RPS6KA2: variants seen among roughly 807,000 people sequenced by gnomAD.
RPS6KA2 encodes the protein ribosomal protein S6 kinase alpha-2.
A neutral mutation model predicts 91.8 loss-of-function variants in RPS6KA2; 42 were observed. The ratio of observed to expected loss-of-function variants is 0.46; its 90% CI spans 0.36 to 0.59. The LOEUF (loss-of-function observed/expected upper bound fraction) is 0.59. RPS6KA2 is among the 20% of genes least tolerant of loss of function. RPS6KA2 has a pLI of 0.00. For synonymous variants in RPS6KA2, 414 were observed against 393.6 expected, an observed-to-expected ratio of 1.05 and a Z score of -0.61; for missense variants, 798 against 978.5, an observed-to-expected ratio of 0.82 and a Z score of 2.46.
In RPS6KA2 at chr6:166,434,103, T is replaced by C. The variant is rs1389301224; in HGVS notation, c.1333-1613A>G. ...ACCAAACGCTTGGGTAGCATTTGAC[T>C]CACTGCTCATAATCTGTCCCCTGGT... On this transcript the variant is annotated intron_variant, in intron 14 of 20. Transcript: ENST00000265678. This position sits in a 1 kb window ranked among gnomAD's most constrained non-coding sequence, Gnocchi z 4.4. Among the ~76,000 whole-genome samples, 2 of 152,200 alleles carry C rather than the reference T, an allele frequency of 1.3e-5. No homozygotes were observed. The highest frequency in any genetic ancestry group is 2.1e-4 in the South Asian group (1 of 4,830).
At chr6:166,734,058 T>G (rs940020327) in intron 2 of RPS6KA2, among the ~76,000 whole-genome samples, 1 of 152,076 alleles carries the variant, frequency 6.6e-6, no homozygotes, top group Non-Finnish European at 1.5e-5. Flanking sequence ...GCTGATAGAT[T>G]GCTTCAATTT....
At chr6:166,607,593 TGGATGTAG>T (rs1391344159) in intron 1 of RPS6KA2, among the ~76,000 whole-genome samples, 1 of 151,900 alleles carries the variant, frequency 6.6e-6, no homozygotes, top group Non-Finnish European at 1.5e-5. Flanking sequence ...AGACAGAAAG[TGGATGTAG>T]GGCTGCAGGG....
At chr6:166,736,081 T>A (rs1790663324) in intron 2 of RPS6KA2, among the ~76,000 whole-genome samples, 1 of 152,246 alleles carries the variant, frequency 6.6e-6, no homozygotes, top group African/African-American at 2.4e-5. Flanking sequence ...TAGTTATTTA[T>A]CACCTAAGTA....
Position 166,445,092 on chromosome 6 carries a change from T to C in RPS6KA2, c.1332+3632A>G, listed in dbSNP as rs1583143061. Among the ~76,000 whole-genome samples the C allele has an allele frequency of 6.6e-6, 1 of 152,202 alleles. No individual in the cohort carries two copies. The highest frequency in any genetic ancestry group is 2.4e-5 in the African/African-American group (1 of 41,446). On this transcript the variant is annotated intron_variant, in intron 14 of 20. Transcript: ENST00000265678. This position sits in a 1 kb window ranked among gnomAD's most constrained non-coding sequence, Gnocchi z 4.5. ...AATAACTTAAAGCAAAATATAATGA[T>C]ATTCTAAGAATGTGAGAAGTACTAT...
At chr6:166,532,894 G>A (rs1034627590) in intron 2 of RPS6KA2, among the ~76,000 whole-genome samples, 2 of 152,042 alleles carry the variant, frequency 1.3e-5, no homozygotes. Flanking sequence ...CAAGCTTGTG[G>A]TGAAGCCCTG....
At chr6:166,714,002 G>A (rs899293204) in intron 2 of RPS6KA2, among the ~76,000 whole-genome samples, 1 of 152,132 alleles carries the variant, frequency 6.6e-6, no homozygotes, top group Non-Finnish European at 1.5e-5. Flanking sequence ...CCCTGATCCC[G>A]CCTTTCCCTA....
intron 2 of RPS6KA2, among the ~76,000 whole-genome samples, chr6:166,663,934 C>G (rs765066552): frequency 1.3e-5 from 2 of 152,262 alleles, no homozygotes; most frequent in Admixed American, 1.3e-4. Context: ...TGGGACTCCA[C>G]AAACCACTTA....
chr6:166,657,202 G>A (rs1458098233), intron 2 of RPS6KA2, among the ~76,000 whole-genome samples: 13 of 152,148 alleles, frequency 8.5e-5, no homozygotes, highest in Admixed American at 7.2e-4. Context: ...CTGGGCGGGC[G>A]AGGGCATTTC....
chr6:166,679,724 G>A (rs983005375), intron 2 of RPS6KA2, among the ~76,000 whole-genome samples: 5 of 152,234 alleles, frequency 3.3e-5, no homozygotes, highest in Admixed American at 2.0e-4. Context: ...GGCCGAGGCC[G>A]GAGCCGGCTC....
chr6:166,816,564 A>C (rs539243932), intron 2 of RPS6KA2, among the ~76,000 whole-genome samples: 222 of 151,980 alleles, frequency 1.5e-3, no homozygotes, highest in Non-Finnish European at 2.7e-3. Context: ...CAAAAAAAAA[A>C]AAAAAAGAAT....
At chr6:166,856,652 C>G (rs142636725) in intron 2 of RPS6KA2, among the ~76,000 whole-genome samples, 1 of 152,222 alleles carries the variant, frequency 6.6e-6, no homozygotes, top group Non-Finnish European at 1.5e-5. Context: ...AGTAAACACA[C>G]TGAAAGTTCC....
chr6:166,848,847 A>G (rs1318878708), intron 2 of RPS6KA2, among the ~76,000 whole-genome samples: 1 of 152,164 alleles, frequency 6.6e-6, no homozygotes, highest in Admixed American at 6.5e-5. Flanking sequence ...AGAAATCACC[A>G]CTAAAGAACT....
At chr6:166,619,614 C>A (rs3778371) in intron 1 of RPS6KA2, among the ~76,000 whole-genome samples, 1 of 152,174 alleles carries the variant, frequency 6.6e-6, no homozygotes. Flanking sequence ...GCAGAGCCCC[C>A]TGGGCTTCCT....
In RPS6KA2 at chr6:166,666,429, T is replaced by C. The variant is rs1201187136; in HGVS notation, c.124-127645A>G. 6.6e-6 allele frequency among the ~76,000 whole-genome samples: 1 copy of C among 152,234 alleles called. No homozygotes were observed. Among genetic ancestry groups the C allele is most frequent in the Non-Finnish European group, 1.5e-5 (1 of 68,042 alleles). On this transcript the variant is annotated intron_variant, in intron 2 of 21. Transcript: ENST00000503859. The surrounding 1 kb of genome is among the most constrained non-coding windows in gnomAD (Gnocchi z 4.0). ...GTACCATTTCAAATGCTGTTATGTG[T>C]TGTTTATAAAATATAAGGATAATTT...
chr6:166,451,043 G>C, intron 13 of RPS6KA2, 60 bp downstream of exon 13: 1 of 1,603,962 alleles, frequency 6.2e-7, no homozygotes, highest in South Asian at 1.1e-5. Flanking sequence ...GGGAACACCA[G>C]AGTCACCCAT....
In RPS6KA2 at chr6:166,569,231, G is replaced by A. The variant is rs73788049; in HGVS notation, c.100-30447C>T. 3.0e-3 allele frequency among the ~76,000 whole-genome samples: 461 copies of A among 152,302 alleles called. 3 individuals are homozygous for A. The highest frequency in any genetic ancestry group is 0.01 in the African/African-American group (425 of 41,578). ...GGGGCTGAGACCCCGCAGGGGCCTT[G>A]AGACTGGCCCTGGTTTGGCCCATTC... is the stretch of plus-strand genomic sequence containing the variant. On this transcript the variant is annotated intron_variant, in intron 1 of 20. Transcript: ENST00000265678.
chr6:166,491,447 TCTC>T (rs774945923), intron 8 of RPS6KA2, among the ~76,000 whole-genome samples: 5 of 152,114 alleles, frequency 3.3e-5, no homozygotes, highest in Non-Finnish European at 7.4e-5. Context: ...CCTGGAATGG[TCTC>T]ATCAGAGCAA....
At chr6:166,699,283 C>T (rs1789441604) in intron 2 of RPS6KA2, among the ~76,000 whole-genome samples, 1 of 152,014 alleles carries the variant, frequency 6.6e-6, no homozygotes, top group South Asian at 2.1e-4. Flanking sequence ...GAGAGGATCA[C>T]AAAGGAAGTG....
chr6:166,857,650 C>T (rs955209385), intron 2 of RPS6KA2, among the ~76,000 whole-genome samples: 8 of 152,212 alleles, frequency 5.3e-5, no homozygotes, highest in East Asian at 1.9e-4. Context: ...TCTTCTCTTC[C>T]GTTTGATGAC....
Sources: gnomAD v4.1 joint callset for allele counts (sites outside exome capture counted in the v4.1 genomes callset) on GRCh38, gnomAD v4.1.1 for gene constraint, Gnocchi (gnomAD v3.1) non-coding constraint, MANE v1.5 for transcripts, NCBI Gene and HGNC (gene_info 2026-07-23, HGNC 2026-07-21) for gene names.